PITPNC1: variants seen among roughly 807,000 people sequenced by gnomAD.
PITPNC1 encodes phosphatidylinositol transfer protein cytoplasmic 1.
A neutral mutation model predicts 44.7 loss-of-function variants in PITPNC1; 18 were observed. The ratio of observed to expected loss-of-function variants is 0.40; its 90% CI spans 0.28 to 0.60. PITPNC1 has a LOEUF of 0.60. Among genes scored for constraint, PITPNC1 ranks in the 20% least tolerant of loss-of-function variants. The probability of loss-of-function intolerance (pLI) is 0.39; values close to 1 mark genes in which losing one functional copy is unlikely to be tolerated. For missense variants in PITPNC1, 290 were observed against 418.4 expected (o/e 0.69, Z 2.68); for synonymous variants, 141 against 149.6 (o/e 0.94, Z 0.42).
chr17:67,530,360 G>T (rs2040445704), intron 1 of PITPNC1, among the ~76,000 whole-genome samples: 2 of 151,724 alleles, frequency 1.3e-5, no homozygotes, highest in South Asian at 4.2e-4. Context: ...CAAAGTGCTG[G>T]GATTGCAGGC....
intron 1 of PITPNC1, among the ~76,000 whole-genome samples, chr17:67,481,602 G>A (rs1286411499): frequency 1.3e-5 from 2 of 152,190 alleles, no homozygotes; most frequent in Non-Finnish European, 2.9e-5. Flanking sequence ...GCCTCCCAAA[G>A]TGGGATTACA....
intron 1 of PITPNC1, among the ~76,000 whole-genome samples, chr17:67,495,037 G>GTTTTTTTTT (rs2039925221): frequency 2.1e-4 from 17 of 79,402 alleles, no homozygotes; most frequent in East Asian, 3.8e-4. Flanking sequence ...GAGCCATGGA[G>GTTTTTTTTT]TTGTTTTTTT....
At chr17:67,655,939 C>T (rs1300910037) in intron 6 of PITPNC1, among the ~76,000 whole-genome samples, 1 of 152,096 alleles carries the variant, frequency 6.6e-6, no homozygotes, top group Non-Finnish European at 1.5e-5. Context: ...GCAAAAAAAC[C>T]CAAAAAGTTT....
chr17:67,510,214 T>A (rs1050515189), intron 1 of PITPNC1, among the ~76,000 whole-genome samples: 12 of 151,686 alleles, frequency 7.9e-5, no homozygotes, highest in Admixed American at 7.2e-4. Flanking sequence ...AATCTGGGTC[T>A]AAAGCAGGAG....
intron 1 of PITPNC1, among the ~76,000 whole-genome samples, chr17:67,448,534 T>G (rs866867901): frequency 6.6e-6 from 1 of 152,158 alleles, no homozygotes; most frequent in Non-Finnish European, 1.5e-5. Context: ...GGGTGCTTCA[T>G]GCTTTATCTT....
At chr17:67,410,221 GAATT>G (rs1173770088) in intron 1 of PITPNC1, among the ~76,000 whole-genome samples, 2 of 152,198 alleles carry the variant, frequency 1.3e-5, no homozygotes, top group African/African-American at 2.4e-5. Flanking sequence ...TTATTAGCAA[GAATT>G]AAATAAGCAA....
chr17:67,647,476 T>TG (rs1268319480), intron 6 of PITPNC1, among the ~76,000 whole-genome samples: 4 of 111,792 alleles, frequency 3.6e-5, no homozygotes, highest in Non-Finnish European at 5.1e-5. Flanking sequence ...TTTTTTTTTT[T>TG]TTTTTTTTTT....
intron 1 of PITPNC1, among the ~76,000 whole-genome samples, chr17:67,409,870 G>A (rs1043541018): frequency 6.6e-6 from 1 of 152,150 alleles, no homozygotes. Context: ...CTAAAAAATA[G>A]TATCCTTTGT....
intron 1 of PITPNC1, among the ~76,000 whole-genome samples, chr17:67,501,805 C>A (rs911054207): frequency 1.3e-5 from 2 of 151,796 alleles, no homozygotes; most frequent in Non-Finnish European, 2.9e-5. Flanking sequence ...TGCACTCCAG[C>A]CTGGGCAACA....
intron 1 of PITPNC1, among the ~76,000 whole-genome samples, chr17:67,480,658 G>T (rs2039689498): frequency 6.6e-6 from 1 of 151,784 alleles, no homozygotes; most frequent in Non-Finnish European, 1.5e-5. Context: ...TTTTTTGTAG[G>T]CATAGGGAAA....
chr17:67,502,717 G>A (rs1455851672), intron 1 of PITPNC1, among the ~76,000 whole-genome samples: 1 of 149,688 alleles, frequency 6.7e-6, no homozygotes, highest in East Asian at 1.9e-4. Context: ...GGAAGTTTGT[G>A]TGAAGTAAGA....
At chr17:67,522,657 A>ATTTTTTTTTTTTTTTTTT (rs1219049449) in intron 1 of PITPNC1, among the ~76,000 whole-genome samples, 5 of 59,972 alleles carry the variant, frequency 8.3e-5, no homozygotes, top group African/African-American at 5.0e-4. Context: ...TACCATTTTA[A>ATTTTTTTTTTTTTTTTTT]TCTTTTTTTT....
intron 1 of PITPNC1, among the ~76,000 whole-genome samples, chr17:67,506,953 T>C (rs2040111979): frequency 6.6e-6 from 1 of 152,130 alleles, no homozygotes; most frequent in Admixed American, 6.5e-5. Flanking sequence ...TTTAAAAAAG[T>C]TTCCTTATTC....
chr17:67,446,011 A>G (rs145461999), intron 1 of PITPNC1, among the ~76,000 whole-genome samples: 7,807 of 151,984 alleles, frequency 0.051, 518 homozygotes, highest in East Asian at 0.15. Context: ...CAGTGGCACA[A>G]TCTCGGCTCA....
At chr17:67,596,835 C>G (rs1245963411) in intron 5 of PITPNC1, among the ~76,000 whole-genome samples, 1 of 152,116 alleles carries the variant, frequency 6.6e-6, no homozygotes, top group African/African-American at 2.4e-5. Flanking sequence ...AAAGGCTCTT[C>G]CCCCTTGCTT....
At chr17:67,670,227 T>C (rs867023280) in intron 7 of PITPNC1, among the ~76,000 whole-genome samples, 22 of 152,326 alleles carry the variant, frequency 1.4e-4, no homozygotes, top group Middle Eastern at 6.8e-3. Context: ...GCAAGCGTAT[T>C]TGGGAAACAC....
At chr17:67,425,193 GCA>G (rs201370650) in intron 1 of PITPNC1, among the ~76,000 whole-genome samples, 9,086 of 51,846 alleles carry the variant, frequency 0.18, 940 homozygotes, top group African/African-American at 0.19. Context: ...TTGTGCGCGC[GCA>G]CGCACACGCA....
At chr17:67,440,422 C>T (rs1310490316) in intron 1 of PITPNC1, among the ~76,000 whole-genome samples, 2 of 152,080 alleles carry the variant, frequency 1.3e-5, no homozygotes, top group African/African-American at 4.8e-5. Flanking sequence ...TTATGACCAA[C>T]TTAGTGAAAT....
At chr17:67,504,278 G>A (rs2040072872) in intron 1 of PITPNC1, among the ~76,000 whole-genome samples, 1 of 152,066 alleles carries the variant, frequency 6.6e-6, no homozygotes, top group Admixed American at 6.5e-5. Flanking sequence ...ATTTTCTTTT[G>A]CATCTGCCTT....
Sources: allele counts gnomAD v4.1 joint callset (sites outside exome capture counted in the v4.1 genomes callset), GRCh38; gene constraint gnomAD v4.1.1; transcripts MANE v1.5; gene names NCBI Gene and HGNC (gene_info 2026-07-23, HGNC 2026-07-21).